GPR142: variants seen among roughly 807,000 people sequenced by gnomAD.
GPR142 encodes the protein G-protein coupled receptor 142 long form.
Under a neutral mutation model 10.6 loss-of-function variants are expected in GPR142, and 9 were observed. The ratio of observed to expected loss-of-function variants is 0.85; its 90% CI spans 0.51 to 1.48. GPR142 has a LOEUF of 1.48. Among genes scored for constraint, GPR142 ranks in the 40% most tolerant of loss-of-function variants. The pLI is 0.00. For missense variants in GPR142, 482 were observed against 506.0 expected, an observed-to-expected ratio of 0.95 and a Z score of 0.45; for synonymous variants, 202 against 221.2, an observed-to-expected ratio of 0.91 and a Z score of 0.77.
Position 74,372,572 on chromosome 17 carries a change from CG to C in GPR142, c.1100del (p.Gly367AspfsTer?). On this transcript the variant is annotated frameshift_variant, in exon 4 of 4. Transcript: ENST00000582579. LOFTEE classifies it high-confidence loss of function. ...GCGGCGAAGCCTGTGATGGAGCCTCCGGGACTCCCCACAGGGGCAGAAGTGT... is the reference window on the plus strand; with the variant it reads ...GCGGCGAAGCCTGTGATGGAGCCTCCGGACTCCCCACAGGGGCAGAAGTGT... ...GMAAKPVMEP[P>X]GLPTGAEV 1 of 1,607,816 alleles carries C rather than the reference CG, an allele frequency of 6.2e-7. No individual in the cohort carries two copies.
Position 74,370,686 on chromosome 17 carries a change from G to T in GPR142, c.253+7G>T. 6.2e-7 allele frequency: 1 copy of T among 1,608,564 alleles called. No individual in the cohort carries two copies. ...CTGGGCTTGGGGCTGCCTGGTGAGT[G>T]GGGAGCTGGGGTCTGGGGACTTGGG... On this transcript the variant is annotated splice_region_variant and intron_variant, in intron 3 of 3. Transcript: ENST00000582579.
Position 74,372,049 on chromosome 17 carries a change from G to A in GPR142, c.574G>A (p.Ala192Thr), listed in dbSNP as rs1240561568. 1.9e-6 allele frequency: 3 copies of A among 1,614,138 alleles called. No homozygotes were observed. The highest frequency in any genetic ancestry group is 2.5e-6 in the Non-Finnish European group (3 of 1,180,038). Residue 192 changes from alanine to threonine, a missense_variant, in exon 4 of 4, where the codon GCT becomes ACT. Transcript: ENST00000582579. ...SSPGRTRRAI[A>T]AVLSAALLTG... The stretch of plus-strand genomic sequence containing the variant: ...CCCAGGCCGGACCCGCCGGGCCATT[G>A]CTGCTGTCCTGAGTGCTGCCCTGTT...
chr17:74,369,371 G>T, intron 1 of GPR142, 97 bp from the exon 2 acceptor site: 1 of 1,234,454 alleles, frequency 8.1e-7, no homozygotes, highest in South Asian at 1.4e-5. Flanking sequence ...GAGCACCCTG[G>T]TTTGCTCCAC....
chr17:74,367,591 A>T lies in GPR142; in HGVS notation c.-277A>T, dbSNP rs143057103. On this transcript the variant is annotated 5_prime_UTR_variant, in exon 1 of 4. Transcript: ENST00000582579. ...GACATCACTGCTGTCCTGGGTACAG[A>T]AGCATATACTGAGGAAGACAAATCA... 7 of 1,614,046 alleles carry T rather than the reference A, an allele frequency of 4.3e-6. No individual in the cohort carries two copies. In the African/African-American group the frequency reaches 9.3e-5, roughly 22 times the overall value.
chr17:74,370,138 G>A (rs1055049636), intron 2 of GPR142, among the ~76,000 whole-genome samples: 6 of 152,170 alleles, frequency 3.9e-5, no homozygotes, highest in East Asian at 1.9e-4. Context: ...CTGCAACCCC[G>A]CTTCAGACCC....
chr17:74,371,178 A>G (rs138149650), intron 3 of GPR142, among the ~76,000 whole-genome samples: 1,664 of 11,552 alleles, frequency 0.14, 42 homozygotes, highest in South Asian at 0.39. Context: ...TTTTTTTGAG[A>G]TGGAGTCTCA....
intron 3 of GPR142, 133 bp from the exon 4 acceptor site, chr17:74,371,596 T>C: frequency 2.1e-6 from 2 of 969,594 alleles, no homozygotes; most frequent in East Asian, 2.6e-5. Context: ...CAGAAGGATC[T>C]GGAAGGAGAA....
chr17:74,367,838 C>T, intron 1 of GPR142, 44 bp downstream of exon 1: 1 of 1,497,142 alleles, frequency 6.7e-7, no homozygotes, highest in Non-Finnish European at 9.0e-7. Context: ...TTGTAGCAAA[C>T]TCAGTCCCCC....
At position 74,369,494 on chromosome 17, in the gene GPR142, G is replaced by C. The variant is rs899536440; in HGVS notation, c.-47G>C. ...CTCAGTGTCTGCGTAAGGATCCTGG[G>C]GCAAACAACCACTTGGAGAGCCAAG... On this transcript the variant is annotated 5_prime_UTR_variant, in exon 2 of 4. Coordinates refer to ENST00000582579, the MANE Select transcript of GPR142 (RefSeq NM_001331076.1). 1 of 1,558,464 alleles carries C rather than the reference G, an allele frequency of 6.4e-7. No homozygotes were observed. The highest frequency in any genetic ancestry group is 1.4e-5 in the African/African-American group (1 of 73,482).
intron 2 of GPR142, 113 bp downstream of exon 2, chr17:74,369,747 G>A (rs2055008925): frequency 1.9e-6 from 2 of 1,060,528 alleles, no homozygotes; most frequent in Non-Finnish European, 2.6e-6. Context: ...CTGAGAGTGA[G>A]TGAGCAGTGA....
Position 74,372,333 on chromosome 17 carries a change from C to T in GPR142, c.858C>T (p.Val286=). The change falls in exon 4 of 4, where the codon GTC becomes GTT. Residue 286 remains valine, a synonymous_variant. Transcript: ENST00000582579. The part of the protein sequence containing the change: ...TLFTLLWAPR[V]FVMLYHMYVA... ...TCACCCTCCTGTGGGCGCCCCGGGT[C>T]TTCGTCATGCTCTACCACATGTACG... The T allele has an allele frequency of 1.2e-6, 2 of 1,613,946 alleles. No individual in the cohort carries two copies. Among genetic ancestry groups the T allele is most frequent in the Non-Finnish European group, 1.7e-6 (2 of 1,179,812 alleles).
chr17:74,370,461 G>T, intron 2 of GPR142, 60 bp from the exon 3 acceptor site: 1 of 1,532,554 alleles, frequency 6.5e-7, no homozygotes, highest in South Asian at 1.2e-5. Flanking sequence ...GGGCGGGGCT[G>T]CGCCCAGCCA....
chr17:74,370,606 A>C lies in GPR142; in HGVS notation c.180A>C (p.Ala60=). The change falls in exon 3 of 4, where the codon GCA becomes GCC. Residue 60 remains alanine (A), a synonymous_variant. Coordinates refer to ENST00000582579, the MANE Select transcript of GPR142 (RefSeq NM_001331076.1). ...TTGAAAGCCACTGGCCAGAGATCGC[A>C]GAGAGGTCCCCGTGTGTGGCTGGCG... The part of the protein sequence containing the change: ...QEFESHWPEI[A]ERSPCVAGVI... 1 of 1,614,074 alleles carries C rather than the reference A, an allele frequency of 6.2e-7. No individual in the cohort carries two copies. The highest frequency in any genetic ancestry group is 1.1e-5 in the South Asian group (1 of 91,066).
Position 74,372,568 on chromosome 17 carries a change from C to G in GPR142, c.1093C>G (p.Pro365Ala). The G allele has an allele frequency of 1.2e-5, 19 of 1,608,596 alleles. No homozygotes were observed. Among genetic ancestry groups the G allele is most frequent in the Non-Finnish European group, 1.5e-5 (18 of 1,179,888 alleles). ...EGMAAKPVME[P>A]PGLPTGAEV ...CATGGCGGCGAAGCCTGTGATGGAG[C>G]CTCCGGGACTCCCCACAGGGGCAGA... The change falls in exon 4 of 4, where the codon CCT (proline) becomes GCT (alanine). Residue 365 changes from proline to alanine, a missense_variant. Coordinates refer to ENST00000582579, the MANE Select transcript of GPR142 (RefSeq NM_001331076.1).
At chr17:74,368,166 G>A (rs2054995108) in intron 1 of GPR142, among the ~76,000 whole-genome samples, 1 of 150,786 alleles carries the variant, frequency 6.6e-6, no homozygotes, top group Non-Finnish European at 1.5e-5. Flanking sequence ...GGACAGGGTG[G>A]GCACTCGGTA....
At position 74,371,652 on chromosome 17, in the gene GPR142, C is replaced by T. The variant is rs1189967322; in HGVS notation, c.254-77C>T. 27 of 1,402,382 alleles carry T rather than the reference C, an allele frequency of 1.9e-5. No individual in the cohort carries two copies. In the South Asian group the frequency reaches 2.1e-4, roughly 11 times the overall value. The allele number at this position is 1,402,382 out of a possible 1,614,324, so 86.9% of individuals were successfully genotyped here. A position where few individuals can be genotyped will look rare whatever the true frequency, so the allele number is the denominator to read the frequency against. On this transcript the variant is annotated intron_variant, in intron 3 of 3. Transcript: ENST00000582579. ...CTCTGCACATGCAGATGGGGAGGTG[C>T]GATGGCGACACCTTGGAAAGCAGAG...
At chr17:74,370,399 G>T in intron 2 of GPR142, 122 bp from the exon 3 acceptor site, 1 of 990,272 alleles carries the variant, frequency 1.0e-6, no homozygotes. Context: ...ACTCAGCTGG[G>T]TCTGACTAGA....
chr17:74,370,778 G>A, intron 3 of GPR142, 99 bp downstream of exon 3: 2 of 1,176,198 alleles, frequency 1.7e-6, no homozygotes, highest in Non-Finnish European at 2.4e-6. Flanking sequence ...CTGAGGCCCT[G>A]GATCATAGAC....
rs372206735 is a variant in GPR142, at chr17:74,369,850, G to T, written c.94+216G>T. 5.9e-5 allele frequency among the ~76,000 whole-genome samples: 9 copies of T among 152,282 alleles called. No homozygotes were observed. In the East Asian group the frequency reaches 1.3e-3, roughly 23 times the overall value. On this transcript the variant is annotated intron_variant, in intron 2 of 3. Coordinates refer to ENST00000582579, the MANE Select transcript of GPR142 (RefSeq NM_001331076.1). ...AGGGGAACAGGGGCCAGAGTGGACG[G>T]TGCTTATCCTAGACCAGCCACCTTA... is the stretch of plus-strand genomic sequence containing the variant.
Sources: gnomAD v4.1 joint callset for allele counts (sites outside exome capture counted in the v4.1 genomes callset) on GRCh38, gnomAD v4.1.1 for gene constraint, MANE v1.5 for transcripts, NCBI Gene and HGNC (gene_info 2026-07-23, HGNC 2026-07-21) for gene names.